The following IRS2 variants were observed in gnomAD, a reference collection of about 807,000 sequenced individuals.
IRS2 encodes insulin receptor substrate 2.
A neutral mutation model predicts 70.9 loss-of-function variants in IRS2; 28 were observed. The ratio of observed to expected loss-of-function variants is 0.39; its 90% CI spans 0.29 to 0.54. The LOEUF (loss-of-function observed/expected upper bound fraction) is 0.54. Among genes scored for constraint, IRS2 ranks in the 20% least tolerant of loss-of-function variants. The pLI is 0.59. For missense variants in IRS2, 2,081 were observed against 2,024.1 expected (o/e 1.03, Z -0.54); for synonymous variants, 1,217 against 981.9 (o/e 1.24, Z -4.48).
Position 109,782,758 on chromosome 13 carries a change from G to T in IRS2, c.3296C>A (p.Ala1099Asp). Reference protein sequence around the residue: ...APPKPEAARVASPTSGVKRLS... With the variant: ...APPKPEAARVDSPTSGVKRLS... The stretch of plus-strand genomic sequence containing the variant: ...CCTCTTCACGCCCGACGTCGGGCTG[G>T]CCACGCGGGCAGCTTCTGGCTTCGG... Residue 1099 changes from alanine (A) to aspartate (D), a missense_variant, in exon 1 of 2, where the codon GCC becomes GAC. Physicochemically the swap from Ala to Asp is moderately radical, Grantham distance 126 (BLOSUM62 -2). Around this residue, in one of 4 missense-constraint regions of IRS2, gnomAD observed 1,615 missense variants for 1,459.5 expected, o/e 1.11. Transcript: ENST00000375856. 6.2e-7 allele frequency: 1 copy of T among 1,601,986 alleles called. No homozygotes were observed.
Position 109,783,725 on chromosome 13 carries a change from T to G in IRS2, c.2329A>C (p.Thr777Pro), listed in dbSNP as rs1467918459. The stretch of plus-strand genomic sequence containing the variant: ...GAGAAGAAGTCGGGCGGGGTGCCCG[T>G]GGTGACCGCGTCGCTGGGGGACACG... ...LNVSPSDAVTTGTPPDFFSAA... is the reference protein window; with the variant it reads ...LNVSPSDAVTPGTPPDFFSAA... The change falls in exon 1 of 2, where the codon ACG (threonine) becomes CCG (proline). Residue 777 changes from threonine (T) to proline (P), a missense_variant. Coordinates refer to ENST00000375856, the MANE Select transcript of IRS2 (RefSeq NM_003749.3). 9 of 1,578,478 alleles carry G rather than the reference T, an allele frequency of 5.7e-6. No homozygotes were observed. Among genetic ancestry groups the G allele is most frequent in the Non-Finnish European group, 6.9e-6 (8 of 1,162,308 alleles).
chr13:109,781,897 G>C (rs1877713241), intron 1 of IRS2, 145 bp downstream of exon 1: 5 of 872,154 alleles, frequency 5.7e-6, no homozygotes, highest in Non-Finnish European at 7.2e-6. Context: ...AGGGCAGCCC[G>C]CAGAAAAACA....
intron 1 of IRS2, among the ~76,000 whole-genome samples, chr13:109,762,193 G>A (rs1454781405): frequency 1.3e-5 from 2 of 152,222 alleles, no homozygotes; most frequent in African/African-American, 4.8e-5. Context: ...TGTGCATGAA[G>A]TGAGCTATTC....
intron 1 of IRS2, among the ~76,000 whole-genome samples, chr13:109,770,894 C>T (rs757830672): frequency 1.3e-5 from 2 of 152,188 alleles, no homozygotes; most frequent in Admixed American, 6.5e-5. Context: ...AACAGCCCAG[C>T]GAACCTGGAC....
chr13:109,771,523 A>T (rs1333658425), intron 1 of IRS2, among the ~76,000 whole-genome samples: 1 of 152,242 alleles, frequency 6.6e-6, no homozygotes, highest in Non-Finnish European at 1.5e-5. Context: ...TGACAACATA[A>T]GTTATTTGTA....
At position 109,784,767 on chromosome 13, in the gene IRS2, GC is replaced by G; in HGVS notation, c.1286del (p.Arg429ProfsTer115). 1 of 1,252,252 alleles carries G rather than the reference GC, an allele frequency of 8.0e-7. No homozygotes were observed. The highest frequency in any genetic ancestry group is 1.0e-6 in the Non-Finnish European group (1 of 999,626). The allele number at this position is 1,252,252 out of a possible 1,614,324, so 77.6% of individuals were successfully genotyped here. On this transcript the variant is annotated frameshift_variant, in exon 1 of 2. Transcript: ENST00000375856. LOFTEE classifies it high-confidence loss of function. This position sits in a 1 kb window ranked among gnomAD's most constrained non-coding sequence, Gnocchi z 5.2. ...LPAGGALQHSRSMSMPVAHSP... is the reference protein window; with the variant it reads ...LPAGGALQHSXSMSMPVAHSP... ...AGTGCGCCACGGGCATGGACATGGAGCGGCTGTGTTGCAGCGCGCCCCCTGC... is the reference window on the plus strand; with the variant it reads ...AGTGCGCCACGGGCATGGACATGGAGGGCTGTGTTGCAGCGCGCCCCCTGC...
chr13:109,782,369 C>A lies in IRS2; in HGVS notation c.3685G>T (p.Val1229Phe), dbSNP rs1379353007. Residue 1229 changes from valine (V) to phenylalanine (F), a missense_variant, in exon 1 of 2, where the codon GTC becomes TTC. Around this residue, in one of 4 missense-constraint regions of IRS2, gnomAD observed 1,615 missense variants for 1,459.5 expected, o/e 1.11. Transcript: ENST00000375856. ...PWTPGQPGGL[V>F]GCPGSGGSPM... The stretch of plus-strand genomic sequence containing the variant: ...GATCCACCGCTCCCAGGACAACCGA[C>A]CAAGCCCCCGGGCTGACCCGGGGTC... 5 of 1,611,560 alleles carry A rather than the reference C, an allele frequency of 3.1e-6. No homozygotes were observed. The highest frequency in any genetic ancestry group is 4.2e-6 in the Non-Finnish European group (5 of 1,179,346).
At chr13:109,756,966 T>C (rs991642826) in intron 1 of IRS2, among the ~76,000 whole-genome samples, 1 of 152,206 alleles carries the variant, frequency 6.6e-6, no homozygotes, top group African/African-American at 2.4e-5. Context: ...AGGAAAGGGT[T>C]ATTTTTATCC....
intron 1 of IRS2, among the ~76,000 whole-genome samples, chr13:109,781,271 G>C (rs748802195): frequency 6.6e-6 from 1 of 152,134 alleles, no homozygotes; most frequent in African/African-American, 2.4e-5. Flanking sequence ...AGACTCACTA[G>C]AAATGCACAG....
At position 109,785,408 on chromosome 13, in the gene IRS2, C is replaced by G; in HGVS notation, c.646G>C (p.Val216Leu). 6.2e-7 allele frequency: 1 copy of G among 1,612,460 alleles called. No individual in the cohort carries two copies. Among genetic ancestry groups the G allele is most frequent in the African/African-American group, 1.3e-5 (1 of 75,050 alleles). The stretch of plus-strand genomic sequence containing the variant: ...CGCGCAGACAGGCACAGACGGTACA[C>G]CCCCGTCAGGTTCTTGCTCTGGCCC... ...GLGQSKNLTGVYRLCLSARTI... is the reference protein window; with the variant it reads ...GLGQSKNLTGLYRLCLSARTI... Residue 216 changes from valine (V) to leucine (L), a missense_variant, in exon 1 of 2, where the codon GTG becomes CTG. Coordinates refer to ENST00000375856, the MANE Select transcript of IRS2 (RefSeq NM_003749.3). This position sits in a 1 kb window ranked among gnomAD's most constrained non-coding sequence, Gnocchi z 9.3.
At chr13:109,765,802 G>A (rs572896585) in intron 1 of IRS2, among the ~76,000 whole-genome samples, 1 of 57,488 alleles carries the variant, frequency 1.7e-5, no homozygotes, top group African/African-American at 3.8e-5. Flanking sequence ...TCCCCACCAA[G>A]CATGTAGATA....
At chr13:109,771,763 A>T (rs190213532) in intron 1 of IRS2, among the ~76,000 whole-genome samples, 1 of 152,336 alleles carries the variant, frequency 6.6e-6, no homozygotes, top group East Asian at 1.9e-4. Flanking sequence ...GAAACTGACC[A>T]CAAGACTCTA....
At position 109,783,192 on chromosome 13, in the gene IRS2, C is replaced by A. The variant is rs1342778667; in HGVS notation, c.2862G>T (p.Pro954=). 1 of 1,396,930 alleles carries A rather than the reference C, an allele frequency of 7.2e-7. No homozygotes were observed. Among genetic ancestry groups the A allele is most frequent in the Non-Finnish European group, 9.3e-7 (1 of 1,079,800 alleles). 86.5% of individuals were successfully genotyped at this position (1,396,930 alleles called of 1,614,324 possible). A position where few individuals can be genotyped will look rare whatever the true frequency, so the allele number is the denominator to read the frequency against. ...GGGTGCCTGAGCCCAGCGACGAGGC[C>A]GGGCTGCTGGCGGACAAGAGCGAGG... ...SSSSLLSASS[P]ASSLGSGTPG... Residue 954 remains proline, a synonymous_variant, in exon 1 of 2, where the codon CCG becomes CCT. Transcript: ENST00000375856.
At position 109,783,208 on chromosome 13, in the gene IRS2, A is replaced by G; in HGVS notation, c.2846T>C (p.Leu949Ser). The change falls in exon 1 of 2, where the codon TTG becomes TCG. Residue 949 changes from leucine (L) to serine (S), a missense_variant. Leu to Ser is a moderately radical substitution (Grantham distance 145). Transcript: ENST00000375856. ...CGACGAGGCCGGGCTGCTGGCGGAC[A>G]AGAGCGAGGAGGACGAGGCCGCCGA... The part of the protein sequence containing the change: ...LASAASSSSL[L>S]SASSPASSLG... The G allele has an allele frequency of 7.1e-7, 1 of 1,415,882 alleles. No individual in the cohort carries two copies. The highest frequency in any genetic ancestry group is 9.2e-7 in the Non-Finnish European group (1 of 1,088,570). The allele number at this position is 1,415,882 out of a possible 1,614,324, so 87.7% of individuals were successfully genotyped here.
intron 1 of IRS2, among the ~76,000 whole-genome samples, chr13:109,761,595 A>AC (rs1877228762): frequency 6.6e-6 from 1 of 152,074 alleles, no homozygotes; most frequent in South Asian, 2.1e-4. Flanking sequence ...ACATGAAAAA[A>AC]AAAAAAAGGT....
rs1477770998 is a variant in IRS2 at position 109,782,790 on chromosome 13, C to G, written c.3264G>C (p.Ala1088=). The change falls in exon 1 of 2, where the codon GCG becomes GCC. Residue 1088 remains alanine (A), a synonymous_variant. Coordinates refer to ENST00000375856, the MANE Select transcript of IRS2 (RefSeq NM_003749.3). ...GVAATPPQPI[A]APPKPEAARV... ...GGGCAGCTTCTGGCTTCGGGGGGGC[C>G]GCGATAGGTTGCGGCGGGGTGGCGG... The G allele has an allele frequency of 6.2e-7, 1 of 1,603,476 alleles. No individual in the cohort carries two copies. Among genetic ancestry groups the G allele is most frequent in the Non-Finnish European group, 8.5e-7 (1 of 1,176,174 alleles).
chr13:109,786,562 TC>T lies in IRS2; in HGVS notation c.-510del. The stretch of plus-strand genomic sequence containing the variant: ...CAACGGCGACCCGGGCTCGTCGCGG[TC>T]CCCGCCGCACAGTGAGTAACACATC... On this transcript the variant is annotated 5_prime_UTR_variant, in exon 1 of 2. Transcript: ENST00000375856. This position sits in a 1 kb window ranked among gnomAD's most constrained non-coding sequence, Gnocchi z 4.4. The T allele has an allele frequency of 1.3e-5, 2 of 154,244 alleles. No homozygotes were observed. Among genetic ancestry groups the T allele is most frequent in the East Asian group, 1.6e-4 (1 of 6,316 alleles). 9.6% of individuals were successfully genotyped at this position (154,244 alleles called of 1,614,324 possible). A position where few individuals can be genotyped will look rare whatever the true frequency, so the allele number is the denominator to read the frequency against.
rs1323443094 is a variant in IRS2, at chr13:109,785,549, C to T, written c.505G>A (p.Gly169Ser). The T allele has an allele frequency of 7.3e-6, 11 of 1,511,352 alleles. No individual in the cohort carries two copies. The highest frequency in any genetic ancestry group is 1.2e-5 in the South Asian group (1 of 81,470). 93.6% of individuals were successfully genotyped at this position (1,511,352 alleles called of 1,614,324 possible). The change falls in exon 1 of 2, where the codon GGC becomes AGC. Residue 169 changes from glycine to serine, a missense_variant. Gly to Ser is a moderately conservative substitution (Grantham distance 56). Coordinates refer to ENST00000375856, the MANE Select transcript of IRS2 (RefSeq NM_003749.3). The surrounding 1 kb of genome is among the most constrained non-coding windows in gnomAD (Gnocchi z 9.3). ...PAASCSASLP[G>S]ALGGSAGAAG... is the part of the protein sequence containing the mutation. ...GCGCCGGCAGAGCCGCCCAGGGCGC[C>T]GGGCAGGGAGGCGCTGCAGGACGCG...
chr13:109,769,543 C>G (rs932535705), intron 1 of IRS2, among the ~76,000 whole-genome samples: 1 of 152,226 alleles, frequency 6.6e-6, no homozygotes. Flanking sequence ...ATCTGTAAGA[C>G]CGGCTTCCCC....
Sources: allele counts gnomAD v4.1 joint callset (sites outside exome capture counted in the v4.1 genomes callset), GRCh38; gene constraint gnomAD v4.1.1; regional missense constraint gnomAD v4.1.1; non-coding constraint Gnocchi (gnomAD v3.1); transcripts MANE v1.5; gene names NCBI Gene and HGNC (gene_info 2026-07-23, HGNC 2026-07-21).